CLSTN2: variants seen among roughly 807,000 people sequenced by gnomAD.
CLSTN2 encodes calsyntenin 2.
Under a neutral mutation model 101.2 loss-of-function variants are expected in CLSTN2, and 48 were observed. The ratio of observed to expected loss-of-function variants is 0.47; its 90% CI spans 0.38 to 0.60. The LOEUF (loss-of-function observed/expected upper bound fraction) is 0.60, where lower values mean the gene tolerates loss of function less well. Ranked by LOEUF, CLSTN2 falls within the 20% of genes least tolerant of loss-of-function variation. CLSTN2 has a pLI of 0.00. For synonymous variants in CLSTN2, 481 were observed against 463.6 expected (o/e 1.04, Z -0.48); for missense variants, 1,160 against 1,238.2 (o/e 0.94, Z 0.95).
intron 1 of CLSTN2, among the ~76,000 whole-genome samples, chr3:140,141,576 A>G (rs530715322): frequency 6.6e-6 from 1 of 152,322 alleles, no homozygotes; most frequent in East Asian, 1.9e-4. Context: ...TGGCCAGTAC[A>G]GGGAACAGCT....
At chr3:140,219,741 A>G (rs758106278) in intron 2 of CLSTN2, among the ~76,000 whole-genome samples, 13 of 152,178 alleles carry the variant, frequency 8.5e-5, no homozygotes, top group Non-Finnish European at 1.9e-4. Flanking sequence ...TAAGTCCCCA[A>G]GAAGGCAATT....
chr3:140,318,821 C>G (rs1440318150), intron 2 of CLSTN2, among the ~76,000 whole-genome samples: 7 of 152,074 alleles, frequency 4.6e-5, no homozygotes, highest in Non-Finnish European at 8.8e-5. Context: ...AGGAGGAGTC[C>G]AGAGAAAGAG....
intron 1 of CLSTN2, among the ~76,000 whole-genome samples, chr3:140,025,298 A>G (rs1258377947): frequency 2.6e-5 from 4 of 152,170 alleles, no homozygotes; most frequent in African/African-American, 4.8e-5. Context: ...CCTTAAGAAT[A>G]CCTACAGAAA....
Position 139,969,462 on chromosome 3 carries a change from G to C in CLSTN2, c.109+33979G>C, listed in dbSNP as rs370835053. Among the ~76,000 whole-genome samples the C allele has an allele frequency of 5.6e-4, 85 of 152,228 alleles. 1 individual carries two copies. The South Asian group carries it at 0.017, about 31-fold the overall frequency. On this transcript the variant is annotated intron_variant, in intron 1 of 16. Transcript: ENST00000458420. ...TGCCACAGCTAGAAGACTCTTCCTA[G>C]AGTTTATGCACAATCTTGTCACTGC...
intron 2 of CLSTN2, among the ~76,000 whole-genome samples, chr3:140,268,013 A>G (rs1308225729): frequency 6.6e-6 from 1 of 152,180 alleles, no homozygotes; most frequent in Non-Finnish European, 1.5e-5. Flanking sequence ...CACAGGCTAC[A>G]TAAAATGGGG....
At chr3:139,972,699 C>T (rs1030806415) in intron 1 of CLSTN2, among the ~76,000 whole-genome samples, 13 of 152,266 alleles carry the variant, frequency 8.5e-5, no homozygotes, top group East Asian at 1.9e-4. Context: ...AATGCTGTGA[C>T]GGCTCCCACA....
At chr3:140,176,178 G>A in intron 2 of CLSTN2, 105 bp downstream of exon 2, 1 of 1,256,292 alleles carries the variant, frequency 8.0e-7, no homozygotes, top group Non-Finnish European at 1.1e-6. Flanking sequence ...TCACCACCCT[G>A]TGCATCTCTA....
At chr3:140,277,484 GA>G (rs1251013886) in intron 2 of CLSTN2, among the ~76,000 whole-genome samples, 1 of 152,182 alleles carries the variant, frequency 6.6e-6, no homozygotes, top group Non-Finnish European at 1.5e-5. Context: ...AGAGGCTATT[GA>G]AAGCCATCCT....
intron 8 of CLSTN2, among the ~76,000 whole-genome samples, chr3:140,515,120 G>A (rs1044115276): frequency 1.5e-5 from 2 of 136,082 alleles, no homozygotes; most frequent in African/African-American, 7.6e-5. Flanking sequence ...TATACCTTCA[G>A]GAATTTATTC....
chr3:140,356,661 G>A (rs1023828264), intron 2 of CLSTN2, among the ~76,000 whole-genome samples: 2 of 151,390 alleles, frequency 1.3e-5, no homozygotes, highest in Admixed American at 1.3e-4. Flanking sequence ...AGGAGGCTGA[G>A]GCAGGAGAAT....
chr3:140,399,748 T>C (rs1176083807), intron 2 of CLSTN2, among the ~76,000 whole-genome samples: 1 of 152,192 alleles, frequency 6.6e-6, no homozygotes, highest in Non-Finnish European at 1.5e-5. Context: ...TGGGTGCATA[T>C]TCAGGTTTGT....
intron 1 of CLSTN2, among the ~76,000 whole-genome samples, chr3:140,169,329 A>T (rs2010178563): frequency 6.6e-6 from 1 of 151,962 alleles, no homozygotes; most frequent in Non-Finnish European, 1.5e-5. Flanking sequence ...TTTAATATTG[A>T]CTTTCTATCT....
rs1329618210 is a variant in CLSTN2, at chr3:140,562,179, G to C, written c.2083G>C (p.Asp695His). 6.2e-7 allele frequency: 1 copy of C among 1,614,070 alleles called. No individual in the cohort carries two copies. The highest frequency in any genetic ancestry group is 1.1e-5 in the South Asian group (1 of 91,056). ...EVLEEMLHNL[D>H]FCDILVIGGD... ...CTTAGAGGAAATGCTTCATAACTTA[G>C]ATTTCTGTGACATTTTGGTGATCGG... Residue 695 changes from aspartate to histidine, a missense_variant, in exon 13 of 17, where the codon GAT (aspartate) becomes CAT (histidine). Coordinates refer to ENST00000458420, the MANE Select transcript of CLSTN2 (RefSeq NM_022131.3).
chr3:140,254,894 T>A (rs1394590307), intron 2 of CLSTN2, among the ~76,000 whole-genome samples: 2 of 152,120 alleles, frequency 1.3e-5, no homozygotes, highest in African/African-American at 4.8e-5. Context: ...GGGGAAAATA[T>A]TTGCAAACTA....
intron 6 of CLSTN2, among the ~76,000 whole-genome samples, chr3:140,451,043 T>G (rs980980166): frequency 2.0e-5 from 3 of 152,198 alleles, no homozygotes; most frequent in Admixed American, 6.5e-5. Context: ...AGAAGCCATC[T>G]AAGATGACAT....
intron 2 of CLSTN2, among the ~76,000 whole-genome samples, chr3:140,249,716 C>CTTTCCTCT (rs1414890920): frequency 6.6e-6 from 1 of 152,170 alleles, no homozygotes. Context: ...AGGCTATTTT[C>CTTTCCTCT]TTTCCTCTAT....
chr3:140,164,971 T>C (rs985853605), intron 1 of CLSTN2, among the ~76,000 whole-genome samples: 10 of 151,666 alleles, frequency 6.6e-5, no homozygotes, highest in African/African-American at 2.4e-4. Context: ...GGAAAGAAAA[T>C]AGGAAAGAAG....
intron 2 of CLSTN2, among the ~76,000 whole-genome samples, chr3:140,205,519 G>T (rs1440111573): frequency 2.0e-5 from 3 of 151,692 alleles, no homozygotes; most frequent in Non-Finnish European, 4.4e-5. Flanking sequence ...ATATGGGAGG[G>T]AGATTAAACT....
chr3:139,939,771 T>C (rs1384419666), intron 1 of CLSTN2, among the ~76,000 whole-genome samples: 1 of 152,228 alleles, frequency 6.6e-6, no homozygotes, highest in Non-Finnish European at 1.5e-5. Context: ...AAGTCATCTT[T>C]GGGTAAGTAG....
Sources: gnomAD v4.1 joint callset for allele counts (sites outside exome capture counted in the v4.1 genomes callset) on GRCh38, gnomAD v4.1.1 for gene constraint, MANE v1.5 for transcripts, NCBI Gene and HGNC (gene_info 2026-07-23, HGNC 2026-07-21) for gene names.